Variants in SPOCK3 observed in about 807,000 individuals in gnomAD.
SPOCK3 encodes the protein testican-3.
Under a neutral mutation model 56.6 loss-of-function variants are expected in SPOCK3, and 30 were observed. The observed-to-expected ratio is 0.53, with a 90% CI of 0.40 to 0.72. The LOEUF (loss-of-function observed/expected upper bound fraction) is 0.72, where lower values mean the gene tolerates loss of function less well. Among genes scored for constraint, SPOCK3 ranks in the 30% least tolerant of loss-of-function variants. SPOCK3 has a pLI of 0.00. For synonymous variants in SPOCK3, 196 were observed against 183.3 expected (o/e 1.07, Z -0.56); for missense variants, 527 against 530.0 (o/e 0.99, Z 0.06).
intron 7 of SPOCK3, among the ~76,000 whole-genome samples, 199 bp from the exon 8 acceptor site, chr4:166,754,928 A>C (rs561294915): frequency 4.6e-5 from 7 of 152,164 alleles, no homozygotes; most frequent in African/African-American, 1.7e-4. Context: ...TAGTTGTGAG[A>C]ATTAATTAAC....
chr4:167,175,187 GT>G (rs1730875042), intron 2 of SPOCK3, among the ~76,000 whole-genome samples: 3 of 152,058 alleles, frequency 2.0e-5, no homozygotes, highest in Admixed American at 2.0e-4. Flanking sequence ...AAAGGGAGTT[GT>G]TTTTAGAACT....
intron 2 of SPOCK3, among the ~76,000 whole-genome samples, chr4:167,105,823 A>C (rs544552775): frequency 6.6e-6 from 1 of 152,052 alleles, no homozygotes; most frequent in African/African-American, 2.4e-5. Flanking sequence ...ATGGAAACCA[A>C]AAAAAGAGCA....
At chr4:166,773,958 A>T (rs1240002073) in intron 7 of SPOCK3, among the ~76,000 whole-genome samples, 1 of 152,142 alleles carries the variant, frequency 6.6e-6, no homozygotes, top group Non-Finnish European at 1.5e-5. Flanking sequence ...GTTTTCTCCT[A>T]TCTCTGGAAG....
At chr4:167,096,689 T>C (rs904679231) in intron 2 of SPOCK3, among the ~76,000 whole-genome samples, 22 of 151,870 alleles carry the variant, frequency 1.4e-4, no homozygotes, top group Admixed American at 9.2e-4. Flanking sequence ...TAGTCTGTTG[T>C]CATGAGTATT....
chr4:166,889,765 AAT>A (rs1420444663), intron 5 of SPOCK3, among the ~76,000 whole-genome samples: 1 of 151,946 alleles, frequency 6.6e-6, no homozygotes, highest in Non-Finnish European at 1.5e-5. Flanking sequence ...AGAATTGTAA[AAT>A]ATATATATGT....
chr4:167,053,218 T>G (rs1055653302), intron 3 of SPOCK3, among the ~76,000 whole-genome samples: 6 of 152,154 alleles, frequency 3.9e-5, no homozygotes, highest in Admixed American at 3.9e-4. Flanking sequence ...AGCTGGTTTT[T>G]GTTTTTTTTT....
At chr4:166,870,992 C>G (rs1407592035) in intron 6 of SPOCK3, among the ~76,000 whole-genome samples, 1 of 152,070 alleles carries the variant, frequency 6.6e-6, no homozygotes, top group South Asian at 2.1e-4. Context: ...AAGGTCCTTG[C>G]TTCCCCTTTG....
chr4:166,941,308 G>A (rs1005957355), intron 4 of SPOCK3, among the ~76,000 whole-genome samples: 2 of 152,152 alleles, frequency 1.3e-5, no homozygotes, highest in African/African-American at 2.4e-5. Context: ...TTTTGTCCTT[G>A]GGATTAGCAA....
At chr4:167,154,820 G>A (rs748599848) in intron 2 of SPOCK3, among the ~76,000 whole-genome samples, 1 of 152,074 alleles carries the variant, frequency 6.6e-6, no homozygotes, top group African/African-American at 2.4e-5. Flanking sequence ...CTGTAGAATA[G>A]CATCTCCAAA....
At chr4:166,870,114 CT>C (rs796959113) in intron 6 of SPOCK3, among the ~76,000 whole-genome samples, 34 of 152,138 alleles carry the variant, frequency 2.2e-4, no homozygotes, top group African/African-American at 7.7e-4. Flanking sequence ...TAATGAATCC[CT>C]GGTCTTTAGG....
At chr4:166,744,957 G>C (rs534823940) in intron 8 of SPOCK3, among the ~76,000 whole-genome samples, 1 of 152,030 alleles carries the variant, frequency 6.6e-6, no homozygotes, top group Non-Finnish European at 1.5e-5. Context: ...AAAAATAAAC[G>C]AACAAAGCCT....
intron 5 of SPOCK3, among the ~76,000 whole-genome samples, chr4:166,908,029 C>T (rs187157172): frequency 6.6e-6 from 1 of 151,822 alleles, no homozygotes; most frequent in Non-Finnish European, 1.5e-5. Context: ...CAACTAAATA[C>T]TAAAAAGTAT....
chr4:167,177,301 T>C (rs573019783), intron 2 of SPOCK3, among the ~76,000 whole-genome samples: 1 of 152,160 alleles, frequency 6.6e-6, no homozygotes, highest in East Asian at 1.9e-4. Context: ...CACTTTTTTT[T>C]TTCCAGTCAG....
At chr4:167,048,117 A>T (rs1753885218) in intron 3 of SPOCK3, among the ~76,000 whole-genome samples, 1 of 152,166 alleles carries the variant, frequency 6.6e-6, no homozygotes, top group South Asian at 2.1e-4. Context: ...TAGGAAGTGT[A>T]TAAAAATACT....
chr4:167,024,742 T>C (rs1368790230), intron 3 of SPOCK3, among the ~76,000 whole-genome samples: 1 of 151,994 alleles, frequency 6.6e-6, no homozygotes, highest in Non-Finnish European at 1.5e-5. Context: ...ACACATTGCG[T>C]GCAGTGTACA....
At chr4:166,816,535 ATTTGT>A (rs1423865309) in intron 6 of SPOCK3, among the ~76,000 whole-genome samples, 1 of 152,008 alleles carries the variant, frequency 6.6e-6, no homozygotes, top group Non-Finnish European at 1.5e-5. Flanking sequence ...AGTCTGCCAA[ATTTGT>A]TTTGTTTTTT....
chr4:166,883,905 C>T (rs1733927094), intron 6 of SPOCK3, among the ~76,000 whole-genome samples: 1 of 152,142 alleles, frequency 6.6e-6, no homozygotes, highest in African/African-American at 2.4e-5. Flanking sequence ...CAGGCATTAA[C>T]AAATGTGTCC....
chr4:166,797,233 C>CTTTTTTTTTTTTTTTTT (rs1028695610), intron 6 of SPOCK3, among the ~76,000 whole-genome samples: 1 of 80,752 alleles, frequency 1.2e-5, no homozygotes, highest in South Asian at 4.3e-4. Flanking sequence ...TTCCACCTTT[C>CTTTTTTTTTTTTTTTTT]TTTTTTTTTT....
Position 166,734,876 on chromosome 4 carries a change from G to C in SPOCK3, c.*45C>G. On this transcript the variant is annotated 3_prime_UTR_variant, in exon 11 of 11. Transcript: ENST00000357545. ...TAATTTTAAATAGGCTATCATTTTT[G>C]TAAATATTAGAAATGTAGAATTTAT... 7.3e-7 allele frequency: 1 copy of C among 1,367,492 alleles called. No individual in the cohort carries two copies. Among genetic ancestry groups the C allele is most frequent in the South Asian group, 1.6e-5 (1 of 63,866 alleles). The allele number at this position is 1,367,492 out of a possible 1,614,324, so 84.7% of individuals were successfully genotyped here.
Sources: gnomAD v4.1 joint callset for allele counts (sites outside exome capture counted in the v4.1 genomes callset) on GRCh38, gnomAD v4.1.1 for gene constraint, MANE v1.5 for transcripts, NCBI Gene and HGNC (gene_info 2026-07-23, HGNC 2026-07-21) for gene names.